Variants in HMGB1 observed in about 807,000 individuals in gnomAD.
HMGB1 encodes high mobility group box 1.
For synonymous variants in HMGB1, 81 were observed against 84.0 expected (o/e 0.96, Z 0.19); for missense variants, 79 against 253.5 (o/e 0.31, Z 4.67).
intron 1 of HMGB1, among the ~76,000 whole-genome samples, chr13:30,565,309 G>A (rs779848857): frequency 5.9e-5 from 9 of 152,102 alleles, no homozygotes; most frequent in African/African-American, 1.2e-4. Flanking sequence ...CTGTCTCACC[G>A]CCCACTTTTA....
intron 1 of HMGB1, among the ~76,000 whole-genome samples, chr13:30,478,032 A>G (rs1010966207): frequency 6.6e-6 from 1 of 152,230 alleles, no homozygotes; most frequent in African/African-American, 2.4e-5. Context: ...AATGGAAATG[A>G]GGAAGTAGGA....
intron 1 of HMGB1, among the ~76,000 whole-genome samples, chr13:30,575,127 A>G (rs571140493): frequency 6.6e-6 from 1 of 152,364 alleles, no homozygotes; most frequent in African/African-American, 2.4e-5. Flanking sequence ...TTCATGCCAT[A>G]AAGTTATAAA....
intron 1 of HMGB1, among the ~76,000 whole-genome samples, chr13:30,510,821 T>TATATGAG (rs1180631648): frequency 1.3e-5 from 2 of 152,224 alleles, no homozygotes; most frequent in Non-Finnish European, 2.9e-5. Flanking sequence ...AAACGCTTAC[T>TATATGAG]AATTGAGAGA....
At chr13:30,615,656 CTCA>C (rs1950553155) in intron 1 of HMGB1, among the ~76,000 whole-genome samples, 1 of 151,930 alleles carries the variant, frequency 6.6e-6, no homozygotes, top group African/African-American at 2.4e-5. Context: ...CACTTCAACT[CTCA>C]TTTTTTTTTT....
intron 1 of HMGB1, among the ~76,000 whole-genome samples, chr13:30,528,246 T>G (rs1258378907): frequency 6.6e-6 from 1 of 152,160 alleles, no homozygotes; most frequent in Non-Finnish European, 1.5e-5. Flanking sequence ...GGGAATGAGG[T>G]GCAGTGATCT....
intron 1 of HMGB1, among the ~76,000 whole-genome samples, chr13:30,579,378 A>C (rs1870802839): frequency 6.6e-6 from 1 of 152,250 alleles, no homozygotes; most frequent in African/African-American, 2.4e-5. Context: ...ACTGGAATGT[A>C]AAACGCATGT....
chr13:30,525,860 G>GT (rs1888353943), intron 1 of HMGB1, among the ~76,000 whole-genome samples: 2 of 151,080 alleles, frequency 1.3e-5, no homozygotes, highest in African/African-American at 4.9e-5. Flanking sequence ...AGATTGTGGG[G>GT]GGACACAAAG....
chr13:30,485,222 G>A (rs1887338640), intron 1 of HMGB1, among the ~76,000 whole-genome samples: 1 of 151,872 alleles, frequency 6.6e-6, no homozygotes. Context: ...AGTAGAGAAG[G>A]GTTTCACCAT....
intron 1 of HMGB1, among the ~76,000 whole-genome samples, chr13:30,584,644 C>A (rs925351616): frequency 1.3e-4 from 20 of 152,132 alleles, no homozygotes; most frequent in Admixed American, 1.3e-4. Context: ...ATTTTCTCAG[C>A]AAAATGAACA....
In HMGB1 at chr13:30,461,387, T is replaced by A. The variant is rs763233571; in HGVS notation, c.618A>T (p.Glu206Asp). Reference protein sequence around the residue: ...DEEEEEDEEDEDEEEDDDDE With the variant: ...DEEEEEDEEDDDEEEDDDDE ...CATCATCATCATCTTCTTCTTCATC[T>A]TCATCTTCTTCATCTTCCTCCTCCT... Residue 206 changes from glutamate (E) to aspartate (D), a missense_variant, in exon 5 of 5, where the codon GAA (glutamate) becomes GAT (aspartate). Physicochemically the swap from Glu to Asp is conservative, Grantham distance 45. Transcript: ENST00000341423. 5 of 1,567,980 alleles carry A rather than the reference T, an allele frequency of 3.2e-6. No individual in the cohort carries two copies. The African/African-American group carries it at 6.9e-5, about 22-fold the overall frequency.
intron 1 of HMGB1, among the ~76,000 whole-genome samples, chr13:30,528,400 C>A (rs1312207942): frequency 6.6e-6 from 1 of 152,054 alleles, no homozygotes; most frequent in Non-Finnish European, 1.5e-5. Context: ...ACAGAAAGAT[C>A]ACTACTGTGG....
chr13:30,526,106 G>C (rs1051546724), intron 1 of HMGB1, among the ~76,000 whole-genome samples: 9 of 152,188 alleles, frequency 5.9e-5, no homozygotes, highest in Admixed American at 3.3e-4. Context: ...GCCCAGGCTG[G>C]AAGGCAGTAG....
chr13:30,523,053 A>G (rs1441541240), intron 1 of HMGB1, among the ~76,000 whole-genome samples: 1 of 152,216 alleles, frequency 6.6e-6, no homozygotes, highest in Non-Finnish European at 1.5e-5. Flanking sequence ...TTCACAGCCT[A>G]CAGGAAATGG....
At chr13:30,549,757 G>A (rs1295499322) in intron 1 of HMGB1, among the ~76,000 whole-genome samples, 2 of 148,136 alleles carry the variant, frequency 1.4e-5, no homozygotes, top group African/African-American at 2.5e-5. Context: ...CAGCCTGCAC[G>A]CCAGGCTGGA....
In HMGB1 at chr13:30,461,403, T is replaced by C; in HGVS notation, c.602A>G (p.Glu201Gly). 6.3e-7 allele frequency: 1 copy of C among 1,575,328 alleles called. No individual in the cohort carries two copies. The highest frequency in any genetic ancestry group is 8.6e-7 in the Non-Finnish European group (1 of 1,165,888). ...TTCTTCATCTTCATCTTCTTCATCTTCCTCCTCCTCCTCATCCTCTTCATC... is the reference window on the plus strand; with the variant it reads ...TTCTTCATCTTCATCTTCTTCATCTCCCTCCTCCTCCTCATCCTCTTCATC... ...EEDEEDEEEE[E>G]DEEDEDEEED... The change falls in exon 5 of 5, where the codon GAA becomes GGA. Residue 201 changes from glutamate (E) to glycine (G), a missense_variant. Transcript: ENST00000341423.
At chr13:30,525,959 A>G (rs1441674414) in intron 1 of HMGB1, among the ~76,000 whole-genome samples, 1 of 152,198 alleles carries the variant, frequency 6.6e-6, no homozygotes, top group Non-Finnish European at 1.5e-5. Context: ...GGCCTCCCAA[A>G]GTGTTGGGAT....
chr13:30,563,581 G>A (rs1870056891), intron 1 of HMGB1, among the ~76,000 whole-genome samples: 1 of 152,156 alleles, frequency 6.6e-6, no homozygotes, highest in African/African-American at 2.4e-5. Flanking sequence ...CTGCACTCCA[G>A]CCTGCGCAAC....
At chr13:30,521,920 G>A (rs533992814) in intron 1 of HMGB1, among the ~76,000 whole-genome samples, 3 of 152,252 alleles carry the variant, frequency 2.0e-5, no homozygotes, top group Non-Finnish European at 4.4e-5. Flanking sequence ...CTTAGTGGGT[G>A]TGAACTTATA....
chr13:30,488,692 T>A (rs148219181), intron 1 of HMGB1, among the ~76,000 whole-genome samples: 3 of 117,518 alleles, frequency 2.6e-5, no homozygotes, highest in African/African-American at 8.7e-5. Context: ...TTATTATTAT[T>A]ATTACTTTTA....
Sources: allele counts gnomAD v4.1 joint callset (sites outside exome capture counted in the v4.1 genomes callset), GRCh38; gene constraint gnomAD v4.1.1; transcripts MANE v1.5; gene names NCBI Gene and HGNC (gene_info 2026-07-23, HGNC 2026-07-21).